The following MBD5 variants were observed in gnomAD, a reference collection of about 807,000 sequenced individuals.
MBD5 encodes methyl-CpG binding domain protein 5.
In MBD5, 13 loss-of-function variants were observed where a neutral mutation model predicts 117.3. The observed-to-expected ratio is 0.11, with a 90% CI of 0.07 to 0.18. The LOEUF is 0.18. Among genes scored for constraint, MBD5 ranks in the 10% least tolerant of loss-of-function variants. MBD5 has a pLI of 1.00. For missense variants in MBD5, 1,879 were observed against 2,093.8 expected, an observed-to-expected ratio of 0.90 and a Z score of 2.00; for synonymous variants, 727 against 766.4, an observed-to-expected ratio of 0.95 and a Z score of 0.85.
chr2:148,427,650 C>T (rs1334157235), intron 4 of MBD5, among the ~76,000 whole-genome samples: 1 of 149,544 alleles, frequency 6.7e-6, no homozygotes, highest in Non-Finnish European at 1.5e-5. Flanking sequence ...GGGATGGGGG[C>T]AGGGGGGAGG....
intron 3 of MBD5, among the ~76,000 whole-genome samples, chr2:148,332,193 C>G (rs950498682): frequency 4.6e-5 from 7 of 151,860 alleles, no homozygotes; most frequent in Non-Finnish European, 2.9e-5. Context: ...TATCTCCTAC[C>G]CTACTGCCAC....
chr2:148,408,006 G>T (rs183398498), intron 4 of MBD5, among the ~76,000 whole-genome samples: 10 of 152,232 alleles, frequency 6.6e-5, no homozygotes, highest in Admixed American at 6.5e-4. Flanking sequence ...GAGACTGACT[G>T]TGTAGATCAT....
intron 4 of MBD5, among the ~76,000 whole-genome samples, chr2:148,344,254 T>C (rs1162679214): frequency 6.6e-6 from 1 of 152,104 alleles, no homozygotes; most frequent in East Asian, 1.9e-4. Flanking sequence ...ATGTAATGCT[T>C]TCAGATTTGT....
chr2:148,320,830 T>G (rs1267953978), intron 3 of MBD5, among the ~76,000 whole-genome samples: 1 of 152,220 alleles, frequency 6.6e-6, no homozygotes, highest in East Asian at 1.9e-4. Flanking sequence ...TTTGTATTTC[T>G]GTGGTATCAG....
At chr2:148,399,111 G>C (rs1704832268) in intron 4 of MBD5, among the ~76,000 whole-genome samples, 1 of 152,070 alleles carries the variant, frequency 6.6e-6, no homozygotes, top group South Asian at 2.1e-4. Context: ...TGTTCTTTTG[G>C]CTTAGGATTG....
intron 4 of MBD5, among the ~76,000 whole-genome samples, chr2:148,405,131 G>A (rs1406873137): frequency 3.3e-5 from 5 of 151,876 alleles, no homozygotes; most frequent in Admixed American, 1.3e-4. Flanking sequence ...ATGTTTTTGA[G>A]TGTGTATAAT....
chr2:148,201,923 T>A (rs1014677543), intron 2 of MBD5, among the ~76,000 whole-genome samples: 12 of 152,040 alleles, frequency 7.9e-5, no homozygotes, highest in African/African-American at 2.9e-4. Context: ...ACATGTAAAA[T>A]AAGTGAAGGG....
intron 1 of MBD5, among the ~76,000 whole-genome samples, chr2:148,175,212 G>A (rs570727892): frequency 5.3e-5 from 8 of 152,066 alleles, no homozygotes; most frequent in East Asian, 1.9e-4. Context: ...ACTTCACTTC[G>A]TATTTTATAA....
chr2:148,471,448 G>T (rs1389977691), intron 8 of MBD5: 2 of 152,086 alleles, frequency 1.3e-5, no homozygotes, highest in Non-Finnish European at 2.9e-5. Flanking sequence ...AGACATTATT[G>T]TTCACTATGA....
At chr2:148,341,679 GA>G (rs776743771) in intron 3 of MBD5, among the ~76,000 whole-genome samples, 19 of 151,894 alleles carry the variant, frequency 1.3e-4, no homozygotes, top group Non-Finnish European at 2.4e-4. Flanking sequence ...GGCTATAATA[GA>G]AAGAGTAGGT....
At chr2:148,479,669 G>A (rs1210394680) in intron 8 of MBD5, among the ~76,000 whole-genome samples, 1 of 151,754 alleles carries the variant, frequency 6.6e-6, no homozygotes, top group African/African-American at 2.4e-5. Flanking sequence ...TTTGTTTTGG[G>A]GAAGCACAGG....
intron 1 of MBD5, among the ~76,000 whole-genome samples, chr2:148,091,878 A>G (rs541535288): frequency 9.8e-5 from 15 of 152,330 alleles, no homozygotes; most frequent in African/African-American, 3.4e-4. Flanking sequence ...TAAACAGACA[A>G]CCCAAGAGTA....
At chr2:148,029,912 A>C (rs189561072) in intron 1 of MBD5, among the ~76,000 whole-genome samples, 1 of 152,292 alleles carries the variant, frequency 6.6e-6, no homozygotes, top group African/African-American at 2.4e-5. Flanking sequence ...AATCTAATGC[A>C]TTGCTGGTAA....
chr2:148,203,613 T>C (rs563849862), intron 2 of MBD5, among the ~76,000 whole-genome samples: 1 of 152,304 alleles, frequency 6.6e-6, no homozygotes, highest in Non-Finnish European at 1.5e-5. Context: ...GTTCACATTA[T>C]TGTTGCAATT....
At chr2:148,301,740 G>T (rs1361483628) in intron 3 of MBD5, among the ~76,000 whole-genome samples, 3 of 152,204 alleles carry the variant, frequency 2.0e-5, no homozygotes, top group Non-Finnish European at 4.4e-5. Context: ...TGCTGGAGTT[G>T]TACACGTGCT....
chr2:148,299,988 G>C (rs1701743727), intron 3 of MBD5, among the ~76,000 whole-genome samples: 1 of 152,082 alleles, frequency 6.6e-6, no homozygotes, highest in South Asian at 2.1e-4. Context: ...GATTGTCACA[G>C]AATATCCTAA....
intron 2 of MBD5, among the ~76,000 whole-genome samples, chr2:148,197,806 G>GTTTTTTTTTTGTT (rs1699030584): frequency 2.2e-5 from 2 of 92,520 alleles, no homozygotes; most frequent in Non-Finnish European, 2.1e-5. Flanking sequence ...TTTTTTTTTT[G>GTTTTTTTTTTGTT]TTTTTTTTTT....
At chr2:148,451,870 A>G (rs1405786186) in intron 4 of MBD5, among the ~76,000 whole-genome samples, 1 of 152,162 alleles carries the variant, frequency 6.6e-6, no homozygotes, top group African/African-American at 2.4e-5. Flanking sequence ...ATAAGCCATG[A>G]TTTACATATA....
At chr2:148,149,184 G>A (rs1419620713) in intron 1 of MBD5, among the ~76,000 whole-genome samples, 1 of 143,332 alleles carries the variant, frequency 7.0e-6, no homozygotes, top group Non-Finnish European at 1.5e-5. Flanking sequence ...GTGAGAATAT[G>A]CGGTGTTTGG....
Sources: gnomAD v4.1 joint callset for allele counts (sites outside exome capture counted in the v4.1 genomes callset) on GRCh38, gnomAD v4.1.1 for gene constraint, MANE v1.5 for transcripts, NCBI Gene and HGNC (gene_info 2026-07-23, HGNC 2026-07-21) for gene names.